OPA1: variants seen among roughly 807,000 people sequenced by gnomAD.
OPA1 encodes the protein dynamin-like GTPase OPA1, mitochondrial.
Under a neutral mutation model 152.9 loss-of-function variants are expected in OPA1, and 59 were observed. The ratio of observed to expected loss-of-function variants is 0.39; its 90% CI spans 0.31 to 0.48. The LOEUF is 0.48. Ranked by LOEUF, OPA1 falls within the 20% of genes least tolerant of loss-of-function variation. The pLI is 0.96. For synonymous variants in OPA1, 400 were observed against 389.9 expected, an observed-to-expected ratio of 1.03 and a Z score of -0.31; for missense variants, 1,008 against 1,216.8, an observed-to-expected ratio of 0.83 and a Z score of 2.55.
chr3:193,603,425 A>G (rs1726760003), intron 1 of OPA1: 2 of 152,250 alleles, frequency 1.3e-5, no homozygotes, highest in South Asian at 2.1e-4. Flanking sequence ...CTGCTAAAGC[A>G]TTTCACTGAT....
At chr3:193,669,279 T>G (rs897082943) in intron 29 of OPA1, among the ~76,000 whole-genome samples, 10 of 152,206 alleles carry the variant, frequency 6.6e-5, no homozygotes, top group Non-Finnish European at 1.5e-4. Flanking sequence ...CTGCATTGCT[T>G]TCTCCTTTCC....
chr3:193,655,701 T>C (rs116063683), intron 22 of OPA1, among the ~76,000 whole-genome samples: 3,832 of 152,250 alleles, frequency 0.025, 52 homozygotes, highest in Non-Finnish European at 0.03. Context: ...ACTTAGACAA[T>C]GCCCAGCCCA....
At chr3:193,668,725 T>C (rs1717260227) in intron 29 of OPA1, 8 of 1,302,688 alleles carry the variant, frequency 6.1e-6, no homozygotes, top group Non-Finnish European at 7.9e-6. Context: ...TGCAGTAGGC[T>C]ACCATGGCTT....
In OPA1 at chr3:193,695,357, A is replaced by T. The variant is rs1168909007; in HGVS notation, c.*757A>T. ...TACTTACGTTAGGCTTTCTGTTAATAGTGGTTTTTCTCCTGTTGACAGAGC... is the reference window on the plus strand; with the variant it reads ...TACTTACGTTAGGCTTTCTGTTAATTGTGGTTTTTCTCCTGTTGACAGAGC... On this transcript the variant is annotated 3_prime_UTR_variant, in exon 31 of 31. Transcript: ENST00000361510. 1.3e-5 allele frequency: 2 copies of T among 152,294 alleles called. No individual in the cohort carries two copies. The highest frequency in any genetic ancestry group is 1.3e-4 in the Admixed American group (2 of 15,300). 9.4% of individuals were successfully genotyped at this position (152,294 alleles called of 1,614,324 possible).
chr3:193,647,250 A>G (rs1355791262), intron 19 of OPA1, 70 bp downstream of exon 19: 10 of 906,214 alleles, frequency 1.1e-5, no homozygotes, highest in African/African-American at 1.6e-5. Flanking sequence ...TGGCATCCAT[A>G]CGATTCTGTA....
rs201185314 is a variant in OPA1 at position 193,595,795 on chromosome 3, CT to C, written c.32+2389del. On this transcript the variant is annotated intron_variant, in intron 1 of 30. Coordinates refer to ENST00000361510, the MANE Select transcript of OPA1 (RefSeq NM_130837.3). ...TTCTCTCTTATTTTTTATTATCTTC[CT>C]TTCATTTTTCCTGTCCTTTTTCTTT... Among the ~76,000 whole-genome samples, 147 of 151,992 alleles carry C rather than the reference CT, an allele frequency of 9.7e-4. No individual in the cohort carries two copies. In the East Asian group the frequency reaches 0.024, roughly 25 times the overall value.
At chr3:193,640,134 A>G (rs1733544752) in intron 11 of OPA1, among the ~76,000 whole-genome samples, 2 of 152,196 alleles carry the variant, frequency 1.3e-5, no homozygotes, top group Admixed American at 1.3e-4. Context: ...CCAGAGACAT[A>G]CATTTAGGAG....
intron 1 of OPA1, among the ~76,000 whole-genome samples, chr3:193,603,883 C>G (rs1726830985): frequency 6.6e-6 from 1 of 152,178 alleles, no homozygotes; most frequent in Non-Finnish European, 1.5e-5. Flanking sequence ...ATACTACACT[C>G]ACACCGTTGT....
Position 193,644,196 on chromosome 3 carries a change from A to G in OPA1, c.1608+91A>G. On this transcript the variant is annotated intron_variant, in intron 16 of 30. Coordinates refer to ENST00000361510, the MANE Select transcript of OPA1 (RefSeq NM_130837.3). ...GTTATTTAAAAAAACAACAACAACA[A>G]CAAAAAAACACCTTACAACTAAGAT... 5 of 1,399,926 alleles carry G rather than the reference A, an allele frequency of 3.6e-6. 1 individual carries two copies. The South Asian group carries it at 5.8e-5, about 16-fold the overall frequency. The allele number at this position is 1,399,926 out of a possible 1,614,324, so 86.7% of individuals were successfully genotyped here.
chr3:193,594,145 A>C (rs1220106581), intron 1 of OPA1, among the ~76,000 whole-genome samples: 1 of 152,160 alleles, frequency 6.6e-6, no homozygotes, highest in East Asian at 1.9e-4. Context: ...GTGCGTTACT[A>C]TATGCATTGT....
In OPA1 at chr3:193,643,591, A is replaced by C; in HGVS notation, c.1441A>C (p.Met481Leu). 1.9e-6 allele frequency: 3 copies of C among 1,613,874 alleles called. No homozygotes were observed. Among genetic ancestry groups the C allele is most frequent in the Non-Finnish European group, 2.5e-6 (3 of 1,179,872 alleles). The change falls in exon 15 of 31, where the codon ATG becomes CTG. Residue 481 changes from methionine (M) to leucine (L), a missense_variant. Met to Leu is a conservative substitution (Grantham distance 15, BLOSUM62 2). Transcript: ENST00000361510. The part of the protein sequence containing the change: ...ETIFSISKAY[M>L]QNPNAIILCI... ...TATTTTCAGTATCAGCAAAGCTTACATGCAGAATCCTAATGCCATCATACT... is the reference window on the plus strand; with the variant it reads ...TATTTTCAGTATCAGCAAAGCTTACCTGCAGAATCCTAATGCCATCATACT...
intron 6 of OPA1, among the ~76,000 whole-genome samples, chr3:193,623,189 CT>C (rs1328081393): frequency 1.3e-5 from 2 of 152,042 alleles, no homozygotes; most frequent in Non-Finnish European, 2.9e-5. Context: ...CAGCTCTGGC[CT>C]TTTTTTGTAA....
chr3:193,660,470 A>G (rs1484512552), intron 25 of OPA1, among the ~76,000 whole-genome samples: 2 of 152,226 alleles, frequency 1.3e-5, no homozygotes, highest in Non-Finnish European at 2.9e-5. Context: ...AGATCAAGTA[A>G]TGGAAAAATA....
At chr3:193,637,477 T>C (rs938811817) in intron 10 of OPA1, among the ~76,000 whole-genome samples, 196 bp downstream of exon 10, 7 of 151,792 alleles carry the variant, frequency 4.6e-5, no homozygotes, top group Non-Finnish European at 5.9e-5. Context: ...TCATTATAAA[T>C]ATTAATAAAT....
intron 1 of OPA1, among the ~76,000 whole-genome samples, chr3:193,595,706 A>G (rs1725367319): frequency 6.6e-6 from 1 of 151,952 alleles, no homozygotes; most frequent in East Asian, 1.9e-4. Flanking sequence ...TTCTTTTGCT[A>G]CTCATTTGAC....
intron 1 of OPA1, among the ~76,000 whole-genome samples, chr3:193,604,860 C>CAAAAA (rs55904490): frequency 0.24 from 24,450 of 103,166 alleles, 2,647 homozygotes; most frequent in African/African-American, 0.33. Flanking sequence ...AACTCCATCT[C>CAAAAA]AAAAAAAAAA....
intron 29 of OPA1, among the ~76,000 whole-genome samples, chr3:193,682,528 C>A (rs757134906): frequency 6.6e-6 from 1 of 152,070 alleles, no homozygotes; most frequent in African/African-American, 2.4e-5. Flanking sequence ...TGCCCAGCTT[C>A]GAGGCTTCGA....
intron 29 of OPA1, among the ~76,000 whole-genome samples, chr3:193,676,975 G>C (rs1419698044): frequency 1.3e-5 from 1 of 76,414 alleles, no homozygotes; most frequent in East Asian, 3.2e-4. Flanking sequence ...AGCAAGACTC[G>C]TCTCAAAAAA....
chr3:193,665,256 T>TAAA (rs946026861), intron 27 of OPA1, among the ~76,000 whole-genome samples: 1 of 113,450 alleles, frequency 8.8e-6, no homozygotes, highest in African/African-American at 3.9e-5. Context: ...ATATAAATAG[T>TAAA]AAAAAAAATA....
Sources: gnomAD v4.1 joint callset for allele counts (sites outside exome capture counted in the v4.1 genomes callset) on GRCh38, gnomAD v4.1.1 for gene constraint, MANE v1.5 for transcripts, NCBI Gene and HGNC (gene_info 2026-07-23, HGNC 2026-07-21) for gene names.